SHISA6: variants seen among roughly 807,000 people sequenced by gnomAD.
The protein encoded by SHISA6 is shisa family member 6, also known as protein shisa-6.
Under a neutral mutation model 47.9 loss-of-function variants are expected in SHISA6, and 22 were observed. That is an observed-to-expected ratio of 0.46 (90% CI 0.33 to 0.66). The LOEUF is 0.66. Ranked by LOEUF, SHISA6 falls within the 30% of genes least tolerant of loss-of-function variation. The probability of loss-of-function intolerance (pLI) is 0.02; values close to 1 mark genes in which losing one functional copy is unlikely to be tolerated. For missense variants in SHISA6, 680 were observed against 764.6 expected (o/e 0.89, Z 1.30); for synonymous variants, 388 against 337.8 (o/e 1.15, Z -1.63).
At chr17:11,535,885 A>G (rs891422750) in intron 3 of SHISA6, among the ~76,000 whole-genome samples, 15 of 150,304 alleles carry the variant, frequency 1.0e-4, no homozygotes, top group Non-Finnish European at 2.1e-4. Flanking sequence ...TGGGAAAACA[A>G]TGTGTGTGTG....
chr17:11,531,173 C>T (rs1488952224), intron 3 of SHISA6, among the ~76,000 whole-genome samples: 1 of 149,278 alleles, frequency 6.7e-6, no homozygotes, highest in Middle Eastern at 3.2e-3. Context: ...CAGCTGGTGC[C>T]ATTACCCATA....
intron 3 of SHISA6, among the ~76,000 whole-genome samples, chr17:11,511,588 C>T (rs906190077): frequency 1.3e-5 from 2 of 150,364 alleles, no homozygotes; most frequent in East Asian, 2.0e-4. Flanking sequence ...CAAAAAAATG[C>T]CTGGTTCAGT....
At chr17:11,417,987 TAAG>T in intron 3 of SHISA6, among the ~76,000 whole-genome samples, 1 of 152,288 alleles carries the variant, frequency 6.6e-6, no homozygotes, top group Admixed American at 6.5e-5. Context: ...TAGAAGATAG[TAAG>T]AAGAAACACA....
chr17:11,297,045 T>C (rs1909776619), intron 2 of SHISA6, among the ~76,000 whole-genome samples: 2 of 151,508 alleles, frequency 1.3e-5, no homozygotes, highest in African/African-American at 4.9e-5. Flanking sequence ...AGCAAAGAGG[T>C]GGATGAGGAG....
intron 3 of SHISA6, among the ~76,000 whole-genome samples, chr17:11,456,535 T>C (rs1915539242): frequency 6.6e-6 from 1 of 152,216 alleles, no homozygotes; most frequent in South Asian, 2.1e-4. Flanking sequence ...ATCCATAAGA[T>C]GATGAATTCA....
At chr17:11,428,894 C>T (rs1332901800) in intron 3 of SHISA6, among the ~76,000 whole-genome samples, 1 of 151,270 alleles carries the variant, frequency 6.6e-6, no homozygotes, top group East Asian at 2.0e-4. Context: ...ATGCCATTCT[C>T]CTGCCTCAGC....
intron 3 of SHISA6, among the ~76,000 whole-genome samples, chr17:11,528,773 G>C (rs1042378046): frequency 6.6e-6 from 1 of 152,174 alleles, no homozygotes; most frequent in African/African-American, 2.4e-5. Context: ...TCCCATAACA[G>C]AAGCCTGCAT....
intron 3 of SHISA6, among the ~76,000 whole-genome samples, chr17:11,470,490 C>A (rs1458605343): frequency 1.3e-5 from 2 of 152,150 alleles, no homozygotes; most frequent in Admixed American, 1.3e-4. Context: ...CAACAAGACC[C>A]CAAGGTCACC....
chr17:11,460,587 C>T (rs1268254314), intron 3 of SHISA6, among the ~76,000 whole-genome samples: 4 of 152,172 alleles, frequency 2.6e-5, no homozygotes, highest in Admixed American at 2.6e-4. Flanking sequence ...GACAGGGTTT[C>T]TCCATGTTGG....
At chr17:11,374,782 A>G (rs1374350962) in intron 2 of SHISA6, among the ~76,000 whole-genome samples, 3 of 151,924 alleles carry the variant, frequency 2.0e-5, no homozygotes, top group African/African-American at 7.3e-5. Flanking sequence ...GTAGTACTTA[A>G]GTAATACTAG....
intron 2 of SHISA6, among the ~76,000 whole-genome samples, chr17:11,344,790 G>A (rs377563590): frequency 4.6e-5 from 7 of 152,058 alleles, no homozygotes; most frequent in African/African-American, 1.7e-4. Context: ...ATTGGGAACC[G>A]TTAAAATCTC....
intron 3 of SHISA6, among the ~76,000 whole-genome samples, chr17:11,491,775 T>G (rs1479452538): frequency 3.5e-5 from 5 of 142,752 alleles, no homozygotes; most frequent in Admixed American, 6.9e-5. Flanking sequence ...GAAGTGTTTT[T>G]TTTTTTTTTT....
At chr17:11,353,415 C>T (rs1439168135) in intron 2 of SHISA6, among the ~76,000 whole-genome samples, 1 of 151,236 alleles carries the variant, frequency 6.6e-6, no homozygotes, top group Non-Finnish European at 1.5e-5. Context: ...CGAGATCACG[C>T]CACCGCACTC....
intron 3 of SHISA6, among the ~76,000 whole-genome samples, chr17:11,462,646 G>T (rs62062114): frequency 3.9e-5 from 6 of 151,900 alleles, no homozygotes; most frequent in Admixed American, 3.9e-4. Flanking sequence ...TTTGAGACAG[G>T]GTCTCACTCT....
chr17:11,486,113 G>A (rs888221317), intron 3 of SHISA6, among the ~76,000 whole-genome samples: 2 of 152,168 alleles, frequency 1.3e-5, no homozygotes, highest in African/African-American at 4.8e-5. Flanking sequence ...GGCCTCTGCC[G>A]CAGCTCACTG....
intron 2 of SHISA6, among the ~76,000 whole-genome samples, chr17:11,299,343 G>A (rs1909847785): frequency 6.6e-6 from 1 of 151,738 alleles, no homozygotes; most frequent in Admixed American, 6.6e-5. Context: ...TCCATCAGAG[G>A]TAGATATTAC....
At chr17:11,490,098 CA>C (rs1400910466) in intron 3 of SHISA6, among the ~76,000 whole-genome samples, 1 of 152,072 alleles carries the variant, frequency 6.6e-6, no homozygotes, top group African/African-American at 2.4e-5. Flanking sequence ...ATACAAGAGT[CA>C]GGGGAGAAGG....
At chr17:11,404,551 A>T (rs985760940) in intron 3 of SHISA6, among the ~76,000 whole-genome samples, 1 of 152,160 alleles carries the variant, frequency 6.6e-6, no homozygotes, top group African/African-American at 2.4e-5. Context: ...ACTGTTTATA[A>T]GGGCCTGGCA....
chr17:11,463,967 A>C (rs1057315621), intron 3 of SHISA6, among the ~76,000 whole-genome samples: 1 of 152,146 alleles, frequency 6.6e-6, no homozygotes, highest in African/African-American at 2.4e-5. Context: ...CCCAGGCTGG[A>C]GTGCAGTGAT....
Sources: allele counts gnomAD v4.1 joint callset (sites outside exome capture counted in the v4.1 genomes callset), GRCh38; gene constraint gnomAD v4.1.1; transcripts MANE v1.5; gene names NCBI Gene and HGNC (gene_info 2026-07-23, HGNC 2026-07-21).